Variants in COMT observed in about 807,000 individuals in gnomAD.
COMT encodes the protein catechol-O-methyltransferase.
COMT carries 13 observed loss-of-function variants against 18.9 expected under a neutral mutation model. That is an observed-to-expected ratio of 0.69 (90% CI 0.45 to 1.09). The LOEUF (loss-of-function observed/expected upper bound fraction) is 1.09, where lower values mean the gene tolerates loss of function less well. Among genes scored for constraint, COMT ranks in the 50% least tolerant of loss-of-function variants. The pLI, the probability that COMT is intolerant of heterozygous loss-of-function variation, is 0.00. For synonymous variants in COMT, 150 were observed against 160.9 expected, an observed-to-expected ratio of 0.93 and a Z score of 0.51; for missense variants, 329 against 361.8, an observed-to-expected ratio of 0.91 and a Z score of 0.73.
At chr22:19,967,455 C>T (rs1942476222) in intron 5 of COMT, 3 of 463,558 alleles carry the variant, frequency 6.5e-6, no homozygotes, top group Admixed American at 2.4e-5. Context: ...TGCTCAACTC[C>T]GGACCTTGGG....
At chr22:19,943,325 A>G (rs1195242267) in intron 1 of COMT, among the ~76,000 whole-genome samples, 1 of 152,188 alleles carries the variant, frequency 6.6e-6, no homozygotes, top group East Asian at 1.9e-4. Context: ...TTGCTGGATG[A>G]TGCAAGCAGT....
At chr22:19,962,035 G>C (rs1313294808) in intron 2 of COMT, among the ~76,000 whole-genome samples, 1 of 152,140 alleles carries the variant, frequency 6.6e-6, no homozygotes, top group Non-Finnish European at 1.5e-5. Flanking sequence ...TGAATCCCTG[G>C]GGCGTCCAGA....
At chr22:19,958,096 C>CT (rs67723095) in intron 1 of COMT, among the ~76,000 whole-genome samples, 7,265 of 150,870 alleles carry the variant, frequency 0.048, 499 homozygotes, top group African/African-American at 0.15. Flanking sequence ...TCTATTTTAA[C>CT]TTTTTTTTAT....
In COMT at chr22:19,964,315, G is replaced by T; in HGVS notation, c.615+16G>T. The T allele has an allele frequency of 4.3e-6, 7 of 1,613,798 alleles. No individual in the cohort carries two copies. The highest frequency in any genetic ancestry group is 5.9e-6 in the Non-Finnish European group (7 of 1,180,032). On this transcript the variant is annotated intron_variant, in intron 5 of 5. Coordinates refer to ENST00000361682, the MANE Select transcript of COMT (RefSeq NM_000754.4). ...TCTCTTGGAGGTGAGCCCCAACCAG[G>T]ATGGCATCCGTGCCAGCTGCTGCCC...
chr22:19,942,774 C>G (rs928136740), intron 1 of COMT, among the ~76,000 whole-genome samples: 7 of 152,212 alleles, frequency 4.6e-5, no homozygotes, highest in South Asian at 4.2e-4. Context: ...TCTAGATGTG[C>G]CTGGAGTTTA....
At chr22:19,943,884 T>C (rs933271) in intron 1 of COMT, among the ~76,000 whole-genome samples, 51,942 of 147,418 alleles carry the variant, frequency 0.35, 9,242 homozygotes, top group East Asian at 0.45. Flanking sequence ...AGAGAGCATG[T>C]GGCATGCAGG....
intron 1 of COMT, 146 bp downstream of exon 1, chr22:19,942,043 G>C: frequency 2.4e-6 from 1 of 416,088 alleles, no homozygotes; most frequent in Non-Finnish European, 4.2e-6. Flanking sequence ...CCGGACTTGG[G>C]GTGGGGAATC....
chr22:19,966,382 G>A (rs1942392049), intron 5 of COMT, among the ~76,000 whole-genome samples: 1 of 150,732 alleles, frequency 6.6e-6, no homozygotes, highest in Admixed American at 6.6e-5. Context: ...CCACCGGGCT[G>A]CTGTAGTCAC....
intron 1 of COMT, among the ~76,000 whole-genome samples, chr22:19,959,417 G>C (rs940694458): frequency 3.3e-5 from 5 of 152,262 alleles, no homozygotes; most frequent in South Asian, 2.1e-4. Flanking sequence ...GGTGGGCGTG[G>C]TCCCAAAGTC....
chr22:19,968,588 G>A lies in COMT; in HGVS notation c.668G>A (p.Cys223Tyr). The A allele has an allele frequency of 6.2e-7, 1 of 1,614,078 alleles. No individual in the cohort carries two copies. Among genetic ancestry groups the A allele is most frequent in the Non-Finnish European group, 8.5e-7 (1 of 1,180,022 alleles). Residue 223 changes from cysteine to tyrosine, a missense_variant, in exon 6 of 6, where the codon TGC becomes TAC. Cys to Tyr is a radical substitution (Grantham distance 194, BLOSUM62 -2). Coordinates refer to ENST00000361682, the MANE Select transcript of COMT (RefSeq NM_000754.4). ...GTGCTACTGGCTGACAACGTGATCT[G>A]CCCAGGTGCGCCAGACTTCCTAGCA... ...GTVLLADNVI[C>Y]PGAPDFLAHV...
At chr22:19,944,783 C>T (rs1395818346) in intron 1 of COMT, among the ~76,000 whole-genome samples, 1 of 152,312 alleles carries the variant, frequency 6.6e-6, no homozygotes, top group East Asian at 1.9e-4. Flanking sequence ...GATCACACCA[C>T]TGCACTCCAG....
chr22:19,966,308 G>A (rs901831652), intron 5 of COMT, among the ~76,000 whole-genome samples: 2 of 152,106 alleles, frequency 1.3e-5, no homozygotes, highest in African/African-American at 4.8e-5. Flanking sequence ...TCGGAGGCAC[G>A]AGGGGTGAGG....
At chr22:19,959,207 C>A (rs1942133610) in intron 1 of COMT, among the ~76,000 whole-genome samples, 1 of 152,220 alleles carries the variant, frequency 6.6e-6, no homozygotes. Context: ...TGGGAACATC[C>A]GAGCAGCTTT....
At chr22:19,967,438 T>C (rs754523899) in intron 5 of COMT, 1 of 468,960 alleles carries the variant, frequency 2.1e-6, no homozygotes, top group South Asian at 1.6e-5. Flanking sequence ...TTCATGGTGG[T>C]ACTTCCTGCT....
intron 4 of COMT, 111 bp from the exon 5 acceptor site, chr22:19,964,057 A>T: frequency 6.3e-7 from 1 of 1,599,354 alleles, no homozygotes; most frequent in African/African-American, 1.3e-5. Context: ...TGGGTGTGTA[A>T]AGATGGCCTC....
At chr22:19,952,637 TCAAAA>T (rs1326429442) in intron 1 of COMT, among the ~76,000 whole-genome samples, 1 of 140,082 alleles carries the variant, frequency 7.1e-6, no homozygotes, top group Non-Finnish European at 1.5e-5. Context: ...AGACTCCGTC[TCAAAA>T]CAAAACAAAA....
intron 1 of COMT, among the ~76,000 whole-genome samples, chr22:19,956,536 C>A (rs543970278): frequency 1.3e-5 from 2 of 151,908 alleles, no homozygotes; most frequent in African/African-American, 4.8e-5. Context: ...TGCCACCAAG[C>A]CTGGCTAATT....
chr22:19,962,775 C>G lies in COMT; in HGVS notation c.249C>G (p.Cys83Trp). Reference protein sequence around the residue: ...QSVLEAIDTYCEQKEWAMNVG... With the variant: ...QSVLEAIDTYWEQKEWAMNVG... ...TGCTGGAGGCCATTGACACCTACTG[C>G]GAGCAGAAGGAGTGGGCCATGAACG... is the stretch of plus-strand genomic sequence containing the variant. The change falls in exon 3 of 6, where the codon TGC (cysteine) becomes TGG (tryptophan). Residue 83 changes from cysteine to tryptophan, a missense_variant. Physicochemically the swap from Cys to Trp is radical, Grantham distance 215. Coordinates refer to ENST00000361682, the MANE Select transcript of COMT (RefSeq NM_000754.4). 1.2e-6 allele frequency: 2 copies of G among 1,610,074 alleles called. No individual in the cohort carries two copies. The highest frequency in any genetic ancestry group is 1.7e-6 in the Non-Finnish European group (2 of 1,176,838).
chr22:19,962,584 G>C lies in COMT; in HGVS notation c.58G>C (p.Val20Leu), dbSNP rs559479480. Residue 20 changes from valine to leucine, a missense_variant, in exon 3 of 6, where the codon GTG becomes CTG. By Grantham distance (32) the Val-to-Leu change is conservative. Transcript: ENST00000361682. ...AAVLLGLVLL[V>L]VLLLLLRHWG... ...TGTGTTGCTGGGCCTGGTGCTGCTG[G>C]TGGTGCTGCTGCTGCTTCTGAGGCA... 8 of 1,577,588 alleles carry C rather than the reference G, an allele frequency of 5.1e-6. No individual in the cohort carries two copies. Among genetic ancestry groups the C allele is most frequent in the Non-Finnish European group, 6.9e-6 (8 of 1,162,032 alleles).
Sources: gnomAD v4.1 joint callset for allele counts (sites outside exome capture counted in the v4.1 genomes callset) on GRCh38, gnomAD v4.1.1 for gene constraint, MANE v1.5 for transcripts, NCBI Gene and HGNC (gene_info 2026-07-23, HGNC 2026-07-21) for gene names.